Variants in KIF1A observed in about 807,000 individuals in gnomAD.
The protein encoded by KIF1A is kinesin family member 1A.
A neutral mutation model predicts 227.3 loss-of-function variants in KIF1A; 46 were observed. The ratio of observed to expected loss-of-function variants is 0.20; its 90% confidence interval spans 0.16 to 0.26. The LOEUF (loss-of-function observed/expected upper bound fraction) is 0.26. Among genes scored for constraint, KIF1A ranks in the 10% least tolerant of loss-of-function variants. The pLI, the probability that KIF1A is intolerant of heterozygous loss-of-function variation, is 1.00. For synonymous variants in KIF1A, 1,022 were observed against 1,012.8 expected, an observed-to-expected ratio of 1.01 and a Z score of -0.17; for missense variants, 1,683 against 2,485.9, an observed-to-expected ratio of 0.68 and a Z score of 6.87.
chr2:240,767,627 G>A (rs1223918772), intron 17 of KIF1A, among the ~76,000 whole-genome samples: 3 of 152,288 alleles, frequency 2.0e-5, no homozygotes, highest in Non-Finnish European at 4.4e-5. Context: ...CAGAAGCTGA[G>A]CTTCCAGAAG....
chr2:240,807,118 G>A (rs113844876), intron 1 of KIF1A, among the ~76,000 whole-genome samples: 59,802 of 135,490 alleles, frequency 0.44, 13,368 homozygotes, highest in African/African-American at 0.64. Flanking sequence ...GTGTGTGTGT[G>A]TGTGTGTGTG....
At chr2:240,785,180 A>G in intron 6 of KIF1A, 80 bp from the exon 7 acceptor site, 3 of 1,181,922 alleles carry the variant, frequency 2.5e-6, no homozygotes, top group Admixed American at 1.8e-5. Flanking sequence ...AGCCCTCTGA[A>G]CCAGGTCATC....
intron 47 of KIF1A, among the ~76,000 whole-genome samples, chr2:240,718,494 G>A (rs894054814): frequency 2.0e-5 from 3 of 152,248 alleles, no homozygotes; most frequent in Admixed American, 6.5e-5. Context: ...TCCCACCACA[G>A]GGAATCAAAA....
chr2:240,745,399 G>A (rs766026493), intron 32 of KIF1A, 28 bp downstream of exon 32: 14 of 1,545,150 alleles, frequency 9.1e-6, no homozygotes, highest in Middle Eastern at 1.7e-4. Flanking sequence ...TCAGTGGCAG[G>A]GATGGGGAGA....
Position 240,736,548 on chromosome 2 carries a change from G to A in KIF1A, c.4007+515C>T, listed in dbSNP as rs931708659. ...AGCGCCAAAACCCCAGCCTAAATGC[G>A]GTCGGGCTGGGACCGCCCAGACTGT... On this transcript the variant is annotated intron_variant, in intron 38 of 48. Transcript: ENST00000498729. This position sits in a 1 kb window ranked among gnomAD's most constrained non-coding sequence, Gnocchi z 4.7. Among the ~76,000 whole-genome samples, 16 of 152,164 alleles carry A rather than the reference G, an allele frequency of 1.1e-4. No homozygotes were observed. The highest frequency in any genetic ancestry group is 1.8e-4 in the Non-Finnish European group (12 of 68,038).
chr2:240,755,850 G>A (rs972502917), intron 27 of KIF1A, among the ~76,000 whole-genome samples: 3 of 152,184 alleles, frequency 2.0e-5, no homozygotes, highest in Non-Finnish European at 4.4e-5. Flanking sequence ...AGGAGGTGCA[G>A]GGGGCCTGGC....
intron 32 of KIF1A, 73 bp downstream of exon 32, chr2:240,745,354 A>G: frequency 3.4e-6 from 4 of 1,168,482 alleles, no homozygotes; most frequent in Non-Finnish European, 5.1e-6. Flanking sequence ...AAGAGGGAGA[A>G]TGAGCCATGC....
Position 240,740,197 on chromosome 2 carries a change from T to G in KIF1A, c.3817-55A>C, listed in dbSNP as rs2047791623. The G allele has an allele frequency of 1.9e-6, 3 of 1,548,528 alleles. No individual in the cohort carries two copies. The highest frequency in any genetic ancestry group is 2.6e-6 in the Non-Finnish European group (3 of 1,138,176). ...AGACGGCTCAGGGGGCTACGTAGGGTGAGGGAGGGGGACACAGGCAGGGTA... is the reference window on the plus strand; with the variant it reads ...AGACGGCTCAGGGGGCTACGTAGGGGGAGGGAGGGGGACACAGGCAGGGTA... On this transcript the variant is annotated intron_variant, in intron 36 of 48. Transcript: ENST00000498729. This position sits in a 1 kb window ranked among gnomAD's most constrained non-coding sequence, Gnocchi z 6.1.
intron 1 of KIF1A, among the ~76,000 whole-genome samples, chr2:240,815,598 G>C (rs73104639): frequency 0.05 from 7,618 of 152,242 alleles, 531 homozygotes; most frequent in African/African-American, 0.16. Flanking sequence ...AGAAAATGCG[G>C]TACCTGGGCT....
intron 5 of KIF1A, among the ~76,000 whole-genome samples, chr2:240,786,755 A>AGGGGGTGGGG: frequency 1.0e-5 from 1 of 98,892 alleles, no homozygotes; most frequent in East Asian, 2.3e-4. Context: ...CCCCTGAGTG[A>AGGGGGTGGGG]GAGGGTAGGG....
chr2:240,782,406 G>T (rs1422220827), intron 10 of KIF1A, among the ~76,000 whole-genome samples, 184 bp downstream of exon 10: 1 of 151,868 alleles, frequency 6.6e-6, no homozygotes, highest in South Asian at 2.1e-4. Context: ...CTCCGTCCCC[G>T]CAGGCACAGG....
chr2:240,718,983 GC>G (rs1353265252), intron 47 of KIF1A, 22 bp downstream of exon 47: 6 of 1,583,032 alleles, frequency 3.8e-6, no homozygotes, highest in Non-Finnish European at 5.2e-6. Context: ...TGGTGCCCGA[GC>G]CTGAGCCGGG....
Position 240,786,767 on chromosome 2 carries a change from C to A in KIF1A, c.430-254G>T, listed in dbSNP as rs1366646848. ...GGGCCCCTGAGTGAGAGGGTAGGGGCCACCATCAGGACCCCTGAGTGAGGG... is the reference window on the plus strand; with the variant it reads ...GGGCCCCTGAGTGAGAGGGTAGGGGACACCATCAGGACCCCTGAGTGAGGG... On this transcript the variant is annotated intron_variant, in intron 5 of 48. Transcript: ENST00000498729. Among the ~76,000 whole-genome samples, 291 of 117,562 alleles carry A rather than the reference C, an allele frequency of 2.5e-3. 7 individuals are homozygous for A. Among genetic ancestry groups the A allele is most frequent in the African/African-American group, 8.2e-3 (221 of 27,058 alleles). The allele number at this position is 117,562 out of a possible 152,430, so 77.1% of individuals were successfully genotyped here.
intron 20 of KIF1A, among the ~76,000 whole-genome samples, chr2:240,764,131 C>T (rs1217615570): frequency 3.3e-5 from 5 of 152,166 alleles, no homozygotes; most frequent in Admixed American, 1.3e-4. Flanking sequence ...CCCATAGAGC[C>T]GGCTCTGCCC....
At chr2:240,749,371 C>T (rs55857417) in intron 28 of KIF1A, among the ~76,000 whole-genome samples, 5,159 of 152,142 alleles carry the variant, frequency 0.034, 130 homozygotes, top group Middle Eastern at 0.1. Context: ...TGCTCCAGGT[C>T]GCTCCTCTAA....
intron 17 of KIF1A, among the ~76,000 whole-genome samples, chr2:240,768,433 C>T (rs1166509457): frequency 6.6e-6 from 1 of 152,262 alleles, no homozygotes; most frequent in East Asian, 1.9e-4. Flanking sequence ...ACAGCCCTGC[C>T]CAGCCCCTCC....
chr2:240,788,036 C>CCCCCCCCCT lies in KIF1A; in HGVS notation c.363+14_363+15insAGGGGGGGG. The CCCCCCCCCT allele has an allele frequency of 1.4e-6, 2 of 1,481,096 alleles. No individual in the cohort carries two copies. Among genetic ancestry groups the CCCCCCCCCT allele is most frequent in the Non-Finnish European group, 1.8e-6 (2 of 1,086,582 alleles). The allele number at this position is 1,481,096 out of a possible 1,614,324, so 91.7% of individuals were successfully genotyped here. On this transcript the variant is annotated intron_variant, in intron 4 of 48. Transcript: ENST00000498729. This position sits in a 1 kb window ranked among gnomAD's most constrained non-coding sequence, Gnocchi z 6.6. Reference sequence around the variant, plus strand: ...CATCTGCCAGGGCTGCCCCCGCCCGCCCCCCGCTTCGTGCCTGTGGGATGA... The same window carrying CCCCCCCCCT: ...CATCTGCCAGGGCTGCCCCCGCCCGCCCCCCCCCTCCCCCGCTTCGTGCCTGTGGGATGA...
chr2:240,724,060 A>G (rs2045709751), intron 40 of KIF1A, 24 bp from the exon 41 acceptor site: 2 of 1,607,060 alleles, frequency 1.2e-6, no homozygotes, highest in African/African-American at 2.7e-5. Context: ...AAGGAGTGAC[A>G]TGCAGTCACC....
chr2:240,719,870 G>A lies in KIF1A; in HGVS notation c.4925C>T (p.Ala1642Val). 1 of 1,611,944 alleles carries A rather than the reference G, an allele frequency of 6.2e-7. No homozygotes were observed. The highest frequency in any genetic ancestry group is 8.5e-7 in the Non-Finnish European group (1 of 1,179,436). The change falls in exon 46 of 49, where the codon GCC becomes GTC. Residue 1642 changes from alanine to valine, a missense_variant. Transcript: ENST00000498729. ...AGGGGAAGGGAGCTTCTTGGAGTCGGCCTCTGGCAGCAGCTCGGGCTCTGG... is the reference window on the plus strand; with the variant it reads ...AGGGGAAGGGAGCTTCTTGGAGTCGACCTCTGGCAGCAGCTCGGGCTCTGG... ...ASPEPELLPE[A>V]DSKKLPSPAR...
Sources: gnomAD v4.1 joint callset for allele counts (sites outside exome capture counted in the v4.1 genomes callset) on GRCh38, gnomAD v4.1.1 for gene constraint, Gnocchi (gnomAD v3.1) non-coding constraint, MANE v1.5 for transcripts, NCBI Gene and HGNC (gene_info 2026-07-23, HGNC 2026-07-21) for gene names.